ATP9B: variants seen among roughly 807,000 people sequenced by gnomAD.
ATP9B encodes probable phospholipid-transporting ATPase IIB.
A neutral mutation model predicts 146.1 loss-of-function variants in ATP9B; 110 were observed. That is an observed-to-expected ratio of 0.75 (90% CI 0.65 to 0.88). The LOEUF (loss-of-function observed/expected upper bound fraction) is 0.88, where lower values mean the gene tolerates loss of function less well. Among genes scored for constraint, ATP9B ranks in the 40% least tolerant of loss-of-function variants. ATP9B has a pLI of 0.00. For missense variants in ATP9B, 1,499 were observed against 1,496.4 expected (o/e 1.00, Z -0.03); for synonymous variants, 604 against 569.7 (o/e 1.06, Z -0.86).
chr18:79,181,060 C>T (rs1352915031), intron 8 of ATP9B, among the ~76,000 whole-genome samples: 1 of 152,038 alleles, frequency 6.6e-6, no homozygotes, highest in African/African-American at 2.4e-5. Flanking sequence ...ATCCGCCCAC[C>T]TTGGCCTCCC....
rs2094543831 is a variant in ATP9B at position 79,143,807 on chromosome 18, G to A, written c.673G>A (p.Val225Met). 1 of 1,576,780 alleles carries A rather than the reference G, an allele frequency of 6.3e-7. No individual in the cohort carries two copies. The change falls in exon 6 of 30, where the codon GTG becomes ATG. Residue 225 changes from valine (V) to methionine (M), a missense_variant. Coordinates refer to ENST00000426216, the MANE Select transcript of ATP9B (RefSeq NM_198531.5). ...GTACTTCTTCTTTTTTTAAGGTAAAGTGCAAGTTAAGAGTTCAGACATACA... is the reference window on the plus strand; with the variant it reads ...GTACTTCTTCTTTTTTTAAGGTAAAATGCAAGTTAAGAGTTCAGACATACA... Reference protein sequence around the residue: ...LYSKLTVRGKVQVKSSDIQVG... With the variant: ...LYSKLTVRGKMQVKSSDIQVG...
intron 11 of ATP9B, among the ~76,000 whole-genome samples, chr18:79,250,151 G>A (rs1243132696): frequency 2.0e-5 from 3 of 152,220 alleles, no homozygotes; most frequent in Non-Finnish European, 2.9e-5. Flanking sequence ...TGCAGTGGGC[G>A]GCTTTGAATG....
chr18:79,333,708 G>T (rs1036483234), intron 17 of ATP9B, among the ~76,000 whole-genome samples: 2 of 151,788 alleles, frequency 1.3e-5, no homozygotes, highest in South Asian at 2.1e-4. Flanking sequence ...CTCTCCTCTC[G>T]CCGTGTGTCA....
At chr18:79,149,723 A>T (rs530963727) in intron 6 of ATP9B, among the ~76,000 whole-genome samples, 111 of 147,498 alleles carry the variant, frequency 7.5e-4, no homozygotes, top group Non-Finnish European at 1.4e-3. Context: ...AAAAAAAAAA[A>T]AATTTGAAAT....
chr18:79,324,020 T>C (rs2096730745), intron 15 of ATP9B, among the ~76,000 whole-genome samples: 1 of 152,226 alleles, frequency 6.6e-6, no homozygotes, highest in Non-Finnish European at 1.5e-5. Flanking sequence ...CTCATTGTAA[T>C]TTTTATTTGC....
chr18:79,344,797 A>G (rs1043570774), intron 21 of ATP9B, among the ~76,000 whole-genome samples: 2 of 152,176 alleles, frequency 1.3e-5, no homozygotes, highest in African/African-American at 2.4e-5. Flanking sequence ...CTGGAGGAGG[A>G]GCGACAAGAG....
At chr18:79,225,658 G>T (rs1477979875) in intron 11 of ATP9B, among the ~76,000 whole-genome samples, 2 of 143,298 alleles carry the variant, frequency 1.4e-5, no homozygotes, top group African/African-American at 2.6e-5. Flanking sequence ...GTCGCAGGGC[G>T]GCCACTGTCT....
chr18:79,185,115 C>CAT (rs1568355364), intron 8 of ATP9B, among the ~76,000 whole-genome samples: 2 of 151,904 alleles, frequency 1.3e-5, no homozygotes, highest in East Asian at 3.9e-4. Flanking sequence ...CATGGGGGCA[C>CAT]GGGGATACTT....
chr18:79,235,048 T>G (rs2095828440), intron 11 of ATP9B, among the ~76,000 whole-genome samples: 1 of 152,078 alleles, frequency 6.6e-6, no homozygotes, highest in Non-Finnish European at 1.5e-5. Context: ...AATTTTTATA[T>G]TTTTAATAGA....
At chr18:79,369,676 G>A (rs184558628) in intron 26 of ATP9B, among the ~76,000 whole-genome samples, 9 of 152,298 alleles carry the variant, frequency 5.9e-5, no homozygotes, top group Admixed American at 2.0e-4. Context: ...CCACGGTGCC[G>A]ATCCTTGCAG....
chr18:79,325,251 G>C (rs1207522148), intron 15 of ATP9B, among the ~76,000 whole-genome samples: 2 of 152,152 alleles, frequency 1.3e-5, no homozygotes, highest in Non-Finnish European at 2.9e-5. Flanking sequence ...AAGAACTTGA[G>C]TTGAGAAAAG....
chr18:79,279,283 C>T lies in ATP9B; in HGVS notation c.1411+2087C>T, dbSNP rs550339679. 1.4e-4 allele frequency among the ~76,000 whole-genome samples: 21 copies of T among 152,078 alleles called. No individual in the cohort carries two copies. The South Asian group carries it at 4.0e-3, about 29-fold the overall frequency. On this transcript the variant is annotated intron_variant, in intron 13 of 29. Coordinates refer to ENST00000426216, the MANE Select transcript of ATP9B (RefSeq NM_198531.5). Reference sequence around the variant, plus strand: ...GCACTCACTGGTTCATGTGCCTGCCCCTTATGCAGAGTTCACAGACAGCCC... The same window carrying T: ...GCACTCACTGGTTCATGTGCCTGCCTCTTATGCAGAGTTCACAGACAGCCC...
intron 8 of ATP9B, among the ~76,000 whole-genome samples, chr18:79,178,355 G>A (rs1000067678): frequency 5.9e-5 from 9 of 152,116 alleles, no homozygotes; most frequent in Non-Finnish European, 1.3e-4. Flanking sequence ...ATATCTTATC[G>A]TGGCTTCAGT....
Position 79,096,493 on chromosome 18 carries a change from A to T in ATP9B, c.137A>T (p.Glu46Val), listed in dbSNP as rs1404564575. 16 of 1,614,034 alleles carry T rather than the reference A, an allele frequency of 9.9e-6. No individual in the cohort carries two copies. Among genetic ancestry groups the T allele is most frequent in the Non-Finnish European group, 1.4e-5 (16 of 1,179,960 alleles). Residue 46 changes from glutamate (E) to valine (V), a missense_variant, in exon 2 of 30, where the codon GAG becomes GTG. Coordinates refer to ENST00000426216, the MANE Select transcript of ATP9B (RefSeq NM_198531.5). The stretch of plus-strand genomic sequence containing the variant: ...CTAACTAGGTACCAGCTGGAGGATG[A>T]GTCTGCGCATTTGGATGAAATGCCA... ...DRHSRYQLED[E>V]SAHLDEMPLM...
chr18:79,224,211 CCTT>C (rs1479457206), intron 11 of ATP9B, among the ~76,000 whole-genome samples: 3 of 152,128 alleles, frequency 2.0e-5, no homozygotes, highest in Non-Finnish European at 4.4e-5. Flanking sequence ...TTTTTGAACT[CCTT>C]GATTCCTTAC....
chr18:79,255,771 T>C (rs2096071580), intron 12 of ATP9B, among the ~76,000 whole-genome samples: 1 of 152,208 alleles, frequency 6.6e-6, no homozygotes, highest in Admixed American at 6.5e-5. Flanking sequence ...GAGGGGCACA[T>C]ATGCATGTTT....
intron 22 of ATP9B, 74 bp from the exon 23 acceptor site, chr18:79,345,700 TA>T: frequency 6.2e-7 from 1 of 1,604,838 alleles, no homozygotes; most frequent in Non-Finnish European, 8.5e-7. Flanking sequence ...GTTTCTGAAA[TA>T]GCTTCTGATG....
intron 11 of ATP9B, among the ~76,000 whole-genome samples, chr18:79,225,939 C>A (rs1228098989): frequency 6.6e-6 from 1 of 152,206 alleles, no homozygotes; most frequent in Non-Finnish European, 1.5e-5. Context: ...GTCTGAGTGA[C>A]TCTTTGTTCC....
intron 11 of ATP9B, among the ~76,000 whole-genome samples, chr18:79,238,407 A>G (rs907834966): frequency 7.2e-5 from 11 of 152,200 alleles, no homozygotes; most frequent in Non-Finnish European, 1.3e-4. Context: ...CCAGGAACAC[A>G]TCAGGAGCAT....
Sources: allele counts gnomAD v4.1 joint callset (sites outside exome capture counted in the v4.1 genomes callset), GRCh38; gene constraint gnomAD v4.1.1; transcripts MANE v1.5; gene names NCBI Gene and HGNC (gene_info 2026-07-23, HGNC 2026-07-21).